The following MBD5 variants were observed in gnomAD, a reference collection of about 807,000 sequenced individuals.
MBD5 encodes methyl-CpG binding domain protein 5, also known as methyl-CpG-binding domain protein 5.
MBD5 carries 13 observed loss-of-function variants against 117.3 expected under a neutral mutation model. That is an observed-to-expected ratio of 0.11 (90% confidence interval 0.07 to 0.18). The LOEUF (loss-of-function observed/expected upper bound fraction) is 0.18, where lower values mean the gene tolerates loss of function less well. Among genes scored for constraint, MBD5 ranks in the 10% least tolerant of loss-of-function variants. The probability of loss-of-function intolerance (pLI) is 1.00; values close to 1 mark genes in which losing one functional copy is unlikely to be tolerated. For synonymous variants in MBD5, 727 were observed against 766.4 expected, an observed-to-expected ratio of 0.95 and a Z score of 0.85; for missense variants, 1,879 against 2,093.8, an observed-to-expected ratio of 0.90 and a Z score of 2.00.
At chr2:148,060,082 T>A (rs928314211) in intron 1 of MBD5, among the ~76,000 whole-genome samples, 1 of 131,150 alleles carries the variant, frequency 7.6e-6, no homozygotes, top group East Asian at 2.4e-4. Flanking sequence ...GTATATATAC[T>A]TCGCGAGCAC....
intron 4 of MBD5, among the ~76,000 whole-genome samples, chr2:148,423,269 G>T (rs570562607): frequency 6.6e-6 from 1 of 152,074 alleles, no homozygotes; most frequent in South Asian, 2.1e-4. Context: ...GAGAGTGGAG[G>T]CCAATATAAA....
At chr2:148,507,359 C>A (rs2105258350) in intron 12 of MBD5, among the ~76,000 whole-genome samples, 1 of 152,280 alleles carries the variant, frequency 6.6e-6, no homozygotes. Context: ...GAATTAATTT[C>A]ACCAATTCTT....
chr2:148,215,967 C>A (rs1176285415), intron 2 of MBD5, among the ~76,000 whole-genome samples: 1 of 152,126 alleles, frequency 6.6e-6, no homozygotes, highest in Non-Finnish European at 1.5e-5. Flanking sequence ...AATCCTCCCT[C>A]TGCACTTTTA....
Position 148,470,177 on chromosome 2 carries a change from A to G in MBD5, c.2234A>G (p.Asn745Ser), listed in dbSNP as rs1297321171. ...NQLHFTDPSM[N>S]SSVLQNIPLR... ...CTGCATTTTACAGATCCCAGTATGAACTCTAGTGTTCTTCAGAACATACCT... is the reference window on the plus strand; with the variant it reads ...CTGCATTTTACAGATCCCAGTATGAGCTCTAGTGTTCTTCAGAACATACCT... The change falls in exon 8 of 14, where the codon AAC (asparagine) becomes AGC (serine). Residue 745 changes from asparagine to serine, a missense_variant. Physicochemically the swap from Asn to Ser is conservative, Grantham distance 46. Transcript: ENST00000642680. 4 of 1,613,730 alleles carry G rather than the reference A, an allele frequency of 2.5e-6. No individual in the cohort carries two copies. The highest frequency in any genetic ancestry group is 2.7e-5 in the African/African-American group (2 of 74,852).
chr2:148,371,095 T>C (rs1261335328), intron 4 of MBD5, among the ~76,000 whole-genome samples: 1 of 152,224 alleles, frequency 6.6e-6, no homozygotes, highest in Non-Finnish European at 1.5e-5. Flanking sequence ...GAAAGATATA[T>C]GTATAAGCAT....
At chr2:148,453,090 G>A (rs1706776426) in intron 4 of MBD5, among the ~76,000 whole-genome samples, 1 of 152,168 alleles carries the variant, frequency 6.6e-6, no homozygotes, top group African/African-American at 2.4e-5. Context: ...TGCTCTTAGA[G>A]TGTTTACATT....
intron 4 of MBD5, among the ~76,000 whole-genome samples, chr2:148,354,785 C>T (rs776630160): frequency 6.6e-5 from 10 of 151,974 alleles, no homozygotes; most frequent in East Asian, 1.9e-4. Context: ...TGTTGTTTCC[C>T]GAGTTTTTAA....
intron 4 of MBD5, among the ~76,000 whole-genome samples, chr2:148,445,332 T>C (rs879856567): frequency 6.6e-6 from 1 of 150,414 alleles, no homozygotes; most frequent in Non-Finnish European, 1.5e-5. Context: ...TTCCCCTTGC[T>C]GTGTCCAAAT....
At chr2:148,052,435 C>G (rs1694737701) in intron 1 of MBD5, among the ~76,000 whole-genome samples, 2 of 152,006 alleles carry the variant, frequency 1.3e-5, no homozygotes, top group African/African-American at 4.8e-5. Context: ...GTCTCGAACT[C>G]TCGATCTCAG....
chr2:148,489,291 T>C, intron 10 of MBD5, 95 bp from the exon 11 acceptor site: 3 of 1,443,476 alleles, frequency 2.1e-6, no homozygotes, highest in Non-Finnish European at 2.9e-6. Context: ...TTAATATTTG[T>C]TTGTCTTTTG....
At chr2:148,144,729 G>A (rs763247701) in intron 1 of MBD5, among the ~76,000 whole-genome samples, 13 of 152,002 alleles carry the variant, frequency 8.6e-5, no homozygotes, top group South Asian at 2.1e-4. Flanking sequence ...TCTTGTTTTC[G>A]TCAGGTTTTT....
chr2:148,290,877 G>A (rs887819052), intron 3 of MBD5, among the ~76,000 whole-genome samples: 9 of 152,140 alleles, frequency 5.9e-5, no homozygotes, highest in Admixed American at 3.3e-4. Context: ...TATATAACTA[G>A]GCATAGAATT....
intron 2 of MBD5, among the ~76,000 whole-genome samples, chr2:148,188,862 G>C (rs1376089465): frequency 6.6e-6 from 1 of 151,786 alleles, no homozygotes; most frequent in African/African-American, 2.4e-5. Flanking sequence ...CATCTCACTA[G>C]GGAGTGCCAG....
Position 148,469,209 on chromosome 2 carries a change from T to A in MBD5, c.1266T>A (p.His422Gln). ...CTGGTCACATGAATCATGGGAGTCA[T>A]GTACAAAGAGTTCAGCATTCAGCTT... The part of the protein sequence containing the change: ...VKPGHMNHGS[H>Q]VQRVQHSAST... The change falls in exon 8 of 14, where the codon CAT (histidine) becomes CAA (glutamine). Residue 422 changes from histidine (H) to glutamine (Q), a missense_variant. Physicochemically the swap from His to Gln is conservative, Grantham distance 24. This residue lies in a region of MBD5 where 1,666 missense variants were observed against 1,792.2 expected (regional missense o/e 0.93). Coordinates refer to ENST00000642680, the MANE Select transcript of MBD5 (RefSeq NM_001378120.1). 6.2e-7 allele frequency: 1 copy of A among 1,614,066 alleles called. No homozygotes were observed. Among genetic ancestry groups the A allele is most frequent in the South Asian group, 1.1e-5 (1 of 91,088 alleles).
intron 4 of MBD5, among the ~76,000 whole-genome samples, chr2:148,390,533 A>G (rs3076535): frequency 2.9e-4 from 36 of 123,828 alleles, no homozygotes; most frequent in Admixed American, 1.0e-3. Flanking sequence ...GTGTGTGTGT[A>G]TATGTGTGTA....
At chr2:148,036,880 TAC>T (rs1291677531) in intron 1 of MBD5, among the ~76,000 whole-genome samples, 1 of 152,094 alleles carries the variant, frequency 6.6e-6, no homozygotes, top group Non-Finnish European at 1.5e-5. Flanking sequence ...TTTAAACTAT[TAC>T]AGAGTGTGTA....
chr2:148,456,834 T>C (rs1191086814), intron 4 of MBD5, among the ~76,000 whole-genome samples: 2 of 152,150 alleles, frequency 1.3e-5, no homozygotes, highest in Non-Finnish European at 2.9e-5. Context: ...AAATGCTTCA[T>C]TACAACACCC....
chr2:148,343,088 G>A (rs1341652373), intron 4 of MBD5, among the ~76,000 whole-genome samples: 3 of 152,002 alleles, frequency 2.0e-5, no homozygotes, highest in Non-Finnish European at 2.9e-5. Context: ...ACATCATGTT[G>A]CTGCAGAGAA....
intron 3 of MBD5, among the ~76,000 whole-genome samples, chr2:148,317,686 C>T (rs1441287365): frequency 4.0e-5 from 6 of 151,716 alleles, no homozygotes; most frequent in Non-Finnish European, 7.4e-5. Flanking sequence ...ATTTAGTCCT[C>T]GCTTGTGTGA....
Sources: gnomAD v4.1 joint callset for allele counts (sites outside exome capture counted in the v4.1 genomes callset) on GRCh38, gnomAD v4.1.1 for gene constraint, gnomAD v4.1.1 regional missense constraint, MANE v1.5 for transcripts, NCBI Gene and HGNC (gene_info 2026-07-23, HGNC 2026-07-21) for gene names.